Variants in E2F3 observed in about 807,000 individuals in gnomAD.
E2F3 encodes E2F transcription factor 3.
Under a neutral mutation model 44.4 loss-of-function variants are expected in E2F3, and 11 were observed. The ratio of observed to expected loss-of-function variants is 0.25; its 90% CI spans 0.16 to 0.41. The LOEUF is 0.41. Ranked by LOEUF, E2F3 falls within the 10% of genes least tolerant of loss-of-function variation. The pLI is 1.00. For missense variants in E2F3, 487 were observed against 583.6 expected (o/e 0.83, Z 1.70); for synonymous variants, 249 against 253.0 (o/e 0.98, Z 0.15).
chr6:20,404,133 G>A (rs1759411449), intron 1 of E2F3, among the ~76,000 whole-genome samples: 1 of 142,936 alleles, frequency 7.0e-6, no homozygotes, highest in Non-Finnish European at 1.5e-5. Flanking sequence ...CTCGCCAATG[G>A]CCGAGTTGAG....
At chr6:20,411,755 CT>C (rs1479603932) in intron 1 of E2F3, among the ~76,000 whole-genome samples, 2 of 152,234 alleles carry the variant, frequency 1.3e-5, no homozygotes, top group African/African-American at 4.8e-5. Flanking sequence ...TAGGCACAGC[CT>C]CCCCCAGTTT....
At chr6:20,482,247 C>A (rs890776816) in intron 3 of E2F3, among the ~76,000 whole-genome samples, 14 of 151,894 alleles carry the variant, frequency 9.2e-5, no homozygotes, top group African/African-American at 3.1e-4. Flanking sequence ...TCACATACAT[C>A]TGTTTCCTTT....
At chr6:20,408,377 AAG>A (rs1759559903) in intron 1 of E2F3, among the ~76,000 whole-genome samples, 1 of 152,214 alleles carries the variant, frequency 6.6e-6, no homozygotes, top group South Asian at 2.1e-4. Flanking sequence ...CTATTTCAAT[AAG>A]AGGGAAATTG....
intron 1 of E2F3, among the ~76,000 whole-genome samples, chr6:20,408,089 CTG>C (rs1433992952): frequency 2.6e-5 from 4 of 152,240 alleles, no homozygotes; most frequent in African/African-American, 9.6e-5. Context: ...GTTTCAGAGA[CTG>C]TATTCACGAT....
At chr6:20,455,832 C>A (rs1356111036) in intron 1 of E2F3, among the ~76,000 whole-genome samples, 1 of 152,242 alleles carries the variant, frequency 6.6e-6, no homozygotes, top group South Asian at 2.1e-4. Flanking sequence ...CCAGGCAATT[C>A]TAGAACCAAC....
intron 1 of E2F3, among the ~76,000 whole-genome samples, chr6:20,456,081 A>G (rs951007558): frequency 1.9e-4 from 29 of 152,164 alleles, no homozygotes; most frequent in Non-Finnish European, 4.1e-4. Context: ...AGTTTCTGGT[A>G]AATTTAGCTT....
chr6:20,443,943 G>T (rs1760854846), intron 1 of E2F3, among the ~76,000 whole-genome samples: 1 of 152,114 alleles, frequency 6.6e-6, no homozygotes, highest in South Asian at 2.1e-4. Flanking sequence ...TGGGCTCAGT[G>T]TCTCACTCCT....
chr6:20,471,204 T>C (rs1761877505), intron 1 of E2F3, among the ~76,000 whole-genome samples: 1 of 152,240 alleles, frequency 6.6e-6, no homozygotes, highest in African/African-American at 2.4e-5. Flanking sequence ...CATATGTCGC[T>C]GTACATCATT....
chr6:20,451,975 G>T (rs780136668), intron 1 of E2F3, among the ~76,000 whole-genome samples: 14 of 152,232 alleles, frequency 9.2e-5, no homozygotes, highest in Non-Finnish European at 1.9e-4. Context: ...TTTTATTGAG[G>T]ATTTTTGCAT....
At chr6:20,431,515 G>C (rs1760400162) in intron 1 of E2F3, among the ~76,000 whole-genome samples, 1 of 152,100 alleles carries the variant, frequency 6.6e-6, no homozygotes, top group African/African-American at 2.4e-5. Flanking sequence ...GAGTCGGAGG[G>C]GGGTCAACAC....
intron 1 of E2F3, among the ~76,000 whole-genome samples, chr6:20,479,508 G>A (rs141636796): frequency 3.3e-5 from 5 of 152,334 alleles, no homozygotes; most frequent in African/African-American, 9.6e-5. Flanking sequence ...TAAGCCCCAC[G>A]GCGCCTGTGA....
At chr6:20,404,225 C>G (rs1416643955) in intron 1 of E2F3, among the ~76,000 whole-genome samples, 3 of 152,018 alleles carry the variant, frequency 2.0e-5, no homozygotes, top group Non-Finnish European at 4.4e-5. Flanking sequence ...GATTCCCAGG[C>G]CACCCGCCAC....
intron 1 of E2F3, among the ~76,000 whole-genome samples, chr6:20,448,507 A>G (rs1233132808): frequency 6.6e-6 from 1 of 152,226 alleles, no homozygotes; most frequent in African/African-American, 2.4e-5. Flanking sequence ...AGATGTTTGT[A>G]AAATATGATT....
chr6:20,470,015 A>G (rs1761838353), intron 1 of E2F3, among the ~76,000 whole-genome samples: 1 of 152,156 alleles, frequency 6.6e-6, no homozygotes. Flanking sequence ...CCCCTTCCTC[A>G]TCATTCTGTA....
chr6:20,466,186 C>G (rs1561875226), intron 1 of E2F3, among the ~76,000 whole-genome samples: 1 of 152,040 alleles, frequency 6.6e-6, no homozygotes, highest in South Asian at 2.1e-4. Context: ...GATGTCAGCT[C>G]ACTGCAATCT....
In E2F3 at chr6:20,481,188, T is replaced by G. The variant is rs1401318784; in HGVS notation, c.506-18T>G. On this transcript the variant is annotated intron_variant, in intron 2 of 6. Coordinates refer to ENST00000346618, the MANE Select transcript of E2F3 (RefSeq NM_001949.5). Reference sequence around the variant, plus strand: ...TTCCCCCTATCCCCCACCCGCTCGGTTTTTGTTTTTCTTTAAGCTCCAAAA... The same window carrying G: ...TTCCCCCTATCCCCCACCCGCTCGGGTTTTGTTTTTCTTTAAGCTCCAAAA... 1.2e-6 allele frequency: 2 copies of G among 1,612,128 alleles called. No individual in the cohort carries two copies. Among genetic ancestry groups the G allele is most frequent in the Non-Finnish European group, 1.7e-6 (2 of 1,178,648 alleles).
At chr6:20,434,885 G>A (rs573886464) in intron 1 of E2F3, among the ~76,000 whole-genome samples, 1 of 152,334 alleles carries the variant, frequency 6.6e-6, no homozygotes, top group Middle Eastern at 3.4e-3. Context: ...CATAAAATGA[G>A]AGCGTGGCAG....
intron 1 of E2F3, among the ~76,000 whole-genome samples, chr6:20,419,164 G>A (rs1426846742): frequency 1.3e-5 from 2 of 152,062 alleles, no homozygotes; most frequent in Admixed American, 1.3e-4. Context: ...TAATAGCTGC[G>A]CTGCCACTCG....
intron 1 of E2F3, among the ~76,000 whole-genome samples, chr6:20,406,172 T>C (rs1759488678): frequency 6.6e-6 from 1 of 152,212 alleles, no homozygotes; most frequent in Non-Finnish European, 1.5e-5. Flanking sequence ...TTCTTCACCT[T>C]TTTTTCAATG....
Sources: allele counts gnomAD v4.1 joint callset (sites outside exome capture counted in the v4.1 genomes callset), GRCh38; gene constraint gnomAD v4.1.1; transcripts MANE v1.5; gene names NCBI Gene and HGNC (gene_info 2026-07-23, HGNC 2026-07-21).